TTC39B: variants seen among roughly 807,000 people sequenced by gnomAD.
TTC39B encodes tetratricopeptide repeat protein 39B.
Under a neutral mutation model 96.6 loss-of-function variants are expected in TTC39B, and 92 were observed. That is an observed-to-expected ratio of 0.95 (90% CI 0.80 to 1.13). The LOEUF (loss-of-function observed/expected upper bound fraction) is 1.13, where lower values mean the gene tolerates loss of function less well. Among genes scored for constraint, TTC39B ranks in the 50% most tolerant of loss-of-function variants. The probability of loss-of-function intolerance (pLI) is 0.00; values close to 1 mark genes in which losing one functional copy is unlikely to be tolerated. For synonymous variants in TTC39B, 367 were observed against 299.4 expected (o/e 1.23, Z -2.33); for missense variants, 955 against 809.3 (o/e 1.18, Z -2.18).
At chr9:15,233,287 C>T (rs546458203) in intron 2 of TTC39B, among the ~76,000 whole-genome samples, 2 of 152,122 alleles carry the variant, frequency 1.3e-5, no homozygotes, top group African/African-American at 4.8e-5. Context: ...GCCATGACAC[C>T]GGAACACACG....
At chr9:15,275,429 C>CA (rs1563781270) in intron 1 of TTC39B, among the ~76,000 whole-genome samples, 2 of 151,986 alleles carry the variant, frequency 1.3e-5, no homozygotes, top group African/African-American at 4.8e-5. Flanking sequence ...TCATTTTTAC[C>CA]AAAAAATCAC....
At chr9:15,302,294 C>A (rs936868594) in intron 1 of TTC39B, among the ~76,000 whole-genome samples, 1 of 149,684 alleles carries the variant, frequency 6.7e-6, no homozygotes, top group African/African-American at 2.5e-5. Context: ...CCACTGCACT[C>A]CAGCTTGGGT....
At position 15,243,390 on chromosome 9, in the gene TTC39B, G is replaced by T. The variant is rs1267068466; in HGVS notation, c.276-17378C>A. Among the ~76,000 whole-genome samples, 5 of 152,136 alleles carry T rather than the reference G, an allele frequency of 3.3e-5. No homozygotes were observed. In the East Asian group the frequency reaches 9.6e-4, roughly 29 times the overall value. ...CAGAGTAAAGGAGAACAGTTGAAAAGAATACAAGTACATTTTCATATACAA... is the reference window on the plus strand; with the variant it reads ...CAGAGTAAAGGAGAACAGTTGAAAATAATACAAGTACATTTTCATATACAA... On this transcript the variant is annotated intron_variant, in intron 2 of 19. Transcript: ENST00000512701.
intron 17 of TTC39B, among the ~76,000 whole-genome samples, chr9:15,179,534 C>T (rs977850205): frequency 6.6e-6 from 1 of 152,142 alleles, no homozygotes; most frequent in Non-Finnish European, 1.5e-5. Context: ...AACACATTAC[C>T]TTTTCTATTA....
At chr9:15,172,150 T>G (rs757159390) in intron 19 of TTC39B, 41 bp from the exon 20 acceptor site, 22 of 1,458,058 alleles carry the variant, frequency 1.5e-5, no homozygotes, top group Non-Finnish European at 1.9e-5. Flanking sequence ...CAAAATTTCC[T>G]TATATACCAG....
intron 1 of TTC39B, among the ~76,000 whole-genome samples, chr9:15,288,604 C>T (rs1348163414): frequency 6.6e-6 from 1 of 152,192 alleles, no homozygotes; most frequent in Non-Finnish European, 1.5e-5. Context: ...CCCCCACATT[C>T]ATCCTTCAAG....
At chr9:15,218,172 A>G (rs1820630434) in intron 3 of TTC39B, among the ~76,000 whole-genome samples, 1 of 151,236 alleles carries the variant, frequency 6.6e-6, no homozygotes, top group Non-Finnish European at 1.5e-5. Context: ...CTGTCTCAAA[A>G]AAAAAAAAAA....
rs35620989 is a variant in TTC39B, at chr9:15,270,751, TAA to T, written c.241-2805_241-2804del. ...CCCTGTATCTAATAACTTTTTTATT[TAA>T]AAAAAAAAACACGATTTCAAGAATA... On this transcript the variant is annotated intron_variant, in intron 1 of 19. Transcript: ENST00000512701. Among the ~76,000 whole-genome samples the T allele has an allele frequency of 4.6e-3, 695 of 149,930 alleles. 4 individuals are homozygous for T. The highest frequency in any genetic ancestry group is 0.016 in the African/African-American group (635 of 40,926).
chr9:15,232,686 A>C (rs1291828940), intron 2 of TTC39B, among the ~76,000 whole-genome samples: 1 of 152,200 alleles, frequency 6.6e-6, no homozygotes, highest in Non-Finnish European at 1.5e-5. Context: ...ACAAAAACAG[A>C]GCCCGCCTAG....
At chr9:15,192,274 G>C (rs973796226) in intron 9 of TTC39B, among the ~76,000 whole-genome samples, 1 of 152,178 alleles carries the variant, frequency 6.6e-6, no homozygotes. Flanking sequence ...CAATTCCAGA[G>C]CCGTCATTGT....
chr9:15,188,570 G>A (rs1051767283), intron 13 of TTC39B, among the ~76,000 whole-genome samples: 1 of 151,964 alleles, frequency 6.6e-6, no homozygotes, highest in Non-Finnish European at 1.5e-5. Context: ...AAACTCAACA[G>A]GAAACAGGCA....
chr9:15,265,636 G>A (rs1025459481), intron 2 of TTC39B, among the ~76,000 whole-genome samples: 9 of 152,160 alleles, frequency 5.9e-5, no homozygotes, highest in Non-Finnish European at 1.2e-4. Flanking sequence ...AAAGAGTACT[G>A]TATAAAAAGG....
intron 4 of TTC39B, 129 bp downstream of exon 4, chr9:15,214,010 A>G: frequency 1.7e-6 from 1 of 588,436 alleles, no homozygotes; most frequent in Non-Finnish European, 2.9e-6. Flanking sequence ...ACCAAAGTAA[A>G]GAGGTCTGAA....
At chr9:15,190,481 G>C in intron 11 of TTC39B, 73 bp downstream of exon 11, 9 of 1,373,382 alleles carry the variant, frequency 6.6e-6, no homozygotes, top group Non-Finnish European at 9.3e-6. Flanking sequence ...AAGTAGTTGG[G>C]ATTACAGGTG....
intron 1 of TTC39B, among the ~76,000 whole-genome samples, chr9:15,281,645 AAAAAAT>A (rs1386704872): frequency 1.2e-4 from 18 of 147,732 alleles, no homozygotes; most frequent in African/African-American, 3.7e-4. Context: ...AAAAAAAAAA[AAAAAAT>A]GGCAAAAAGC....
chr9:15,190,338 T>C (rs1028575513), intron 11 of TTC39B, among the ~76,000 whole-genome samples: 2 of 151,778 alleles, frequency 1.3e-5, no homozygotes, highest in African/African-American at 4.9e-5. Context: ...ATGTTTTGTC[T>C]TGTTTTGTTT....
intron 10 of TTC39B, among the ~76,000 whole-genome samples, chr9:15,190,872 C>T (rs1818820360): frequency 6.6e-6 from 1 of 152,112 alleles, no homozygotes; most frequent in Non-Finnish European, 1.5e-5. Flanking sequence ...TCCCCCACCC[C>T]TCCCATCTTT....
intron 17 of TTC39B, among the ~76,000 whole-genome samples, chr9:15,180,153 A>C (rs1042774250): frequency 3.4e-4 from 52 of 152,366 alleles, no homozygotes; most frequent in African/African-American, 1.0e-3. Context: ...ATAGGCTGAG[A>C]AACAGGGAAG....
chr9:15,211,491 A>G (rs1377000601), intron 4 of TTC39B, 94 bp from the exon 5 acceptor site: 5 of 1,109,994 alleles, frequency 4.5e-6, no homozygotes, highest in Non-Finnish European at 6.0e-6. Context: ...TTGCACAGTA[A>G]CCTTTATTCC....
Sources: gnomAD v4.1 joint callset for allele counts (sites outside exome capture counted in the v4.1 genomes callset) on GRCh38, gnomAD v4.1.1 for gene constraint, MANE v1.5 for transcripts, NCBI Gene and HGNC (gene_info 2026-07-23, HGNC 2026-07-21) for gene names.